Variants in FLRT1 observed in about 807,000 individuals in gnomAD.
FLRT1 encodes the protein leucine-rich repeat transmembrane protein FLRT1.
FLRT1 carries 14 observed loss-of-function variants against 30.9 expected under a neutral mutation model. The ratio of observed to expected loss-of-function variants is 0.45; its 90% CI spans 0.30 to 0.71. The LOEUF is 0.71. Ranked by LOEUF, FLRT1 falls within the 30% of genes least tolerant of loss-of-function variation. FLRT1 has a pLI of 0.08. For synonymous variants in FLRT1, 368 were observed against 430.4 expected (o/e 0.85, Z 1.80); for missense variants, 737 against 949.2 (o/e 0.78, Z 2.94).
At chr11:64,043,489 G>A (rs965825382) in intron 1 of FLRT1, among the ~76,000 whole-genome samples, 1 of 152,116 alleles carries the variant, frequency 6.6e-6, no homozygotes, top group Non-Finnish European at 1.5e-5. Context: ...GGTGACTCCT[G>A]GGGGAGCTGG....
intron 1 of FLRT1, among the ~76,000 whole-genome samples, chr11:64,093,129 G>A (rs1246358392): frequency 1.3e-5 from 2 of 152,204 alleles, no homozygotes; most frequent in Non-Finnish European, 2.9e-5. Flanking sequence ...GTTTTCTCAG[G>A]TGGAAAATTG....
rs948909481 is a variant in FLRT1 at position 64,117,856 on chromosome 11, C to A, written c.1589C>A (p.Ala530Asp). 1.9e-6 allele frequency: 3 copies of A among 1,614,048 alleles called. No homozygotes were observed. The highest frequency in any genetic ancestry group is 2.7e-5 in the African/African-American group (2 of 74,964). Residue 530 changes from alanine (A) to aspartate (D), a missense_variant, in exon 3 of 3, where the codon GCC (alanine) becomes GAC (aspartate). Physicochemically the swap from Ala to Asp is moderately radical, Grantham distance 126. Transcript: ENST00000682287. ...CCCGTGTGTGCCAAGGCAGAGACAG[C>A]CGACAGCTATGGCCCTACCACCACA... is the stretch of plus-strand genomic sequence containing the variant. ...ETPVCAKAET[A>D]DSYGPTTTLN...
At chr11:64,097,767 C>G (rs945290270) in intron 1 of FLRT1, among the ~76,000 whole-genome samples, 6 of 152,180 alleles carry the variant, frequency 3.9e-5, no homozygotes, top group African/African-American at 1.4e-4. Flanking sequence ...TGGGGTGGGC[C>G]CATCTCACAG....
intron 2 of FLRT1, among the ~76,000 whole-genome samples, chr11:64,108,085 G>T (rs2154986): frequency 0.19 from 29,225 of 151,908 alleles, 2,966 homozygotes; most frequent in Admixed American, 0.29. Flanking sequence ...AGGCCGAGGC[G>T]GGCAGATCAC....
intron 1 of FLRT1, among the ~76,000 whole-genome samples, chr11:64,099,783 G>A (rs141580120): frequency 6.6e-6 from 1 of 151,764 alleles, no homozygotes; most frequent in African/African-American, 2.4e-5. Flanking sequence ...TAGGTGAATG[G>A]AGAAATGAGA....
chr11:64,117,617 C>T lies in FLRT1; in HGVS notation c.1350C>T (p.Ser450=). Residue 450 remains serine, a synonymous_variant, in exon 3 of 3, where the codon TCC becomes TCT. Transcript: ENST00000682287. ...AIHVKALTAD[S]IRITWKATLP... is the part of the protein sequence containing the mutation. ...ACGTGAAGGCCCTGACGGCAGACTC[C>T]ATCCGCATCACGTGGAAGGCCACGC... 6.2e-7 allele frequency: 1 copy of T among 1,613,812 alleles called. No individual in the cohort carries two copies. Among genetic ancestry groups the T allele is most frequent in the Non-Finnish European group, 8.5e-7 (1 of 1,180,030 alleles).
chr11:64,097,017 A>T (rs527784245), intron 1 of FLRT1, among the ~76,000 whole-genome samples: 123 of 152,060 alleles, frequency 8.1e-4, no homozygotes, highest in Non-Finnish European at 1.6e-3. Context: ...GCACAAGAGC[A>T]CTCCAGGCGG....
rs1032016567 is a variant in FLRT1 at position 64,036,414 on chromosome 11, G to A, written c.-1038+255G>A. Among the ~76,000 whole-genome samples the A allele has an allele frequency of 1.8e-4, 28 of 152,178 alleles. No individual in the cohort carries two copies. Among genetic ancestry groups the A allele is most frequent in the African/African-American group, 6.5e-4 (27 of 41,454 alleles). On this transcript the variant is annotated intron_variant, in intron 1 of 2. Coordinates refer to ENST00000682287, the MANE Select transcript of FLRT1 (RefSeq NM_013280.5). The surrounding 1 kb of genome is among the most constrained non-coding windows in gnomAD (Gnocchi z 5.6). ...GGGAGGCGCGGGGTGCGCGGCCGGC[G>A]GCTCAGCTCTCCCGAGCCGAGGCTG...
At chr11:64,108,414 A>G (rs1414685450) in intron 2 of FLRT1, among the ~76,000 whole-genome samples, 1 of 152,152 alleles carries the variant, frequency 6.6e-6, no homozygotes, top group Non-Finnish European at 1.5e-5. Context: ...TTCACAGGAA[A>G]GGGGCTTCCT....
chr11:64,097,129 T>C (rs1944590770), intron 1 of FLRT1, among the ~76,000 whole-genome samples: 1 of 152,222 alleles, frequency 6.6e-6, no homozygotes, highest in Non-Finnish European at 1.5e-5. Context: ...TCAGCTGCAC[T>C]GTGAGGACGG....
At chr11:64,086,619 C>T (rs1435689549) in intron 1 of FLRT1, among the ~76,000 whole-genome samples, 1 of 152,154 alleles carries the variant, frequency 6.6e-6, no homozygotes, top group Non-Finnish European at 1.5e-5. Context: ...CTTTTTCCGG[C>T]CCCTGCAGCC....
At chr11:64,087,851 T>A (rs1353184079) in intron 1 of FLRT1, among the ~76,000 whole-genome samples, 1 of 152,192 alleles carries the variant, frequency 6.6e-6, no homozygotes, top group African/African-American at 2.4e-5. Context: ...CTGGGGGCTG[T>A]TTCAGGAGAT....
At chr11:64,055,032 A>G in intron 1 of FLRT1, among the ~76,000 whole-genome samples, 1 of 151,510 alleles carries the variant, frequency 6.6e-6, no homozygotes, top group East Asian at 1.9e-4. Flanking sequence ...TTTCTTTCCC[A>G]TGCTGACAGC....
In FLRT1 at chr11:64,067,576, G is replaced by A. The variant is rs1358714776; in HGVS notation, c.-1038+31417G>A. Among the ~76,000 whole-genome samples, 1 of 152,096 alleles carries A rather than the reference G, an allele frequency of 6.6e-6. No homozygotes were observed. Among genetic ancestry groups the A allele is most frequent in the Non-Finnish European group, 1.5e-5 (1 of 68,016 alleles). ...GACCCAAAGCAGGGACCAGGACCCA[G>A]GCTTGTCTCCCTCCTGTCCCTAGGT... On this transcript the variant is annotated intron_variant, in intron 1 of 2. Coordinates refer to ENST00000682287, the MANE Select transcript of FLRT1 (RefSeq NM_013280.5). This position sits in a 1 kb window ranked among gnomAD's most constrained non-coding sequence, Gnocchi z 4.6.
chr11:64,104,291 T>G lies in FLRT1; in HGVS notation c.-50+110T>G, dbSNP rs1378216222. 3 of 152,142 alleles carry G rather than the reference T, an allele frequency of 2.0e-5. No homozygotes were observed. In the East Asian group the frequency reaches 5.8e-4, roughly 29 times the overall value. 9.4% of individuals were successfully genotyped at this position (152,142 alleles called of 1,614,324 possible). A position where few individuals can be genotyped will look rare whatever the true frequency, so the allele number is the denominator to read the frequency against. Reference sequence around the variant, plus strand: ...GGTTGCACCCTCCAAAGGCCCCTTTTCCCAGCCAGAGCTCCACAGGTCTCC... The same window carrying G: ...GGTTGCACCCTCCAAAGGCCCCTTTGCCCAGCCAGAGCTCCACAGGTCTCC... On this transcript the variant is annotated intron_variant, in intron 2 of 2. Transcript: ENST00000682287.
intron 2 of FLRT1, among the ~76,000 whole-genome samples, chr11:64,115,381 C>CTTTT (rs111536886): frequency 6.9e-6 from 1 of 145,982 alleles, no homozygotes. Context: ...AAACAGACCA[C>CTTTT]TTTTTTTTTT....
chr11:64,114,799 TG>T (rs1944946156), intron 2 of FLRT1, among the ~76,000 whole-genome samples: 1 of 151,904 alleles, frequency 6.6e-6, no homozygotes, highest in South Asian at 2.1e-4. Context: ...GGATGGTAGG[TG>T]GGTGGACAGA....
chr11:64,113,194 G>A (rs1944891965), intron 2 of FLRT1, among the ~76,000 whole-genome samples: 1 of 152,256 alleles, frequency 6.6e-6, no homozygotes, highest in South Asian at 2.1e-4. Context: ...TAAGGGCACT[G>A]ACCTCATGTT....
At chr11:64,068,498 G>A (rs1944046335) in intron 1 of FLRT1, among the ~76,000 whole-genome samples, 1 of 152,236 alleles carries the variant, frequency 6.6e-6, no homozygotes, top group South Asian at 2.1e-4. Flanking sequence ...CCACAAACAT[G>A]AGGTCCTAGG....
Sources: gnomAD v4.1 joint callset for allele counts (sites outside exome capture counted in the v4.1 genomes callset) on GRCh38, gnomAD v4.1.1 for gene constraint, Gnocchi (gnomAD v3.1) non-coding constraint, MANE v1.5 for transcripts, NCBI Gene and HGNC (gene_info 2026-07-23, HGNC 2026-07-21) for gene names.